The following ZNF516 variants were observed in gnomAD, a reference collection of about 807,000 sequenced individuals.
The protein encoded by ZNF516 is zinc finger protein 516.
A neutral mutation model predicts 79.7 loss-of-function variants in ZNF516; 19 were observed. That is an observed-to-expected ratio of 0.24 (90% CI 0.17 to 0.35). ZNF516 has a LOEUF of 0.35. Ranked by LOEUF, ZNF516 falls within the 10% of genes least tolerant of loss-of-function variation. ZNF516 has a pLI of 1.00. For synonymous variants in ZNF516, 877 were observed against 739.5 expected (o/e 1.19, Z -3.02); for missense variants, 1,678 against 1,679.5 (o/e 1.00, Z 0.02).
At chr18:76,482,241 C>T (rs2042717) in intron 1 of ZNF516, among the ~76,000 whole-genome samples, 88,070 of 152,066 alleles carry the variant, frequency 0.58, 25,690 homozygotes, top group Admixed American at 0.66. Context: ...CATCTACCAA[C>T]GGGAGGGAAT....
intron 2 of ZNF516, among the ~76,000 whole-genome samples, chr18:76,445,006 T>C (rs1174802777): frequency 6.6e-6 from 1 of 152,120 alleles, no homozygotes; most frequent in African/African-American, 2.4e-5. Flanking sequence ...TTCTGCTCCT[T>C]CCTCCAGGAA....
At chr18:76,480,042 G>A (rs899563301) in intron 1 of ZNF516, among the ~76,000 whole-genome samples, 11 of 151,794 alleles carry the variant, frequency 7.2e-5, no homozygotes, top group Non-Finnish European at 1.0e-4. Flanking sequence ...ACCAGGCGGC[G>A]GTTTGTGGCG....
At chr18:76,412,829 G>T (rs181450677) in intron 3 of ZNF516, among the ~76,000 whole-genome samples, 1 of 152,196 alleles carries the variant, frequency 6.6e-6, no homozygotes, top group Non-Finnish European at 1.5e-5. Flanking sequence ...AAAGAACTCC[G>T]GGTCTTCTTT....
At chr18:76,422,669 G>A (rs937725663) in intron 3 of ZNF516, among the ~76,000 whole-genome samples, 1 of 152,106 alleles carries the variant, frequency 6.6e-6, no homozygotes, top group Non-Finnish European at 1.5e-5. Context: ...CTCCAGCCAA[G>A]GGGCAAGAAG....
upstream of ZNF516, chr18:76,496,378 T>C (rs3813100): frequency 4.7e-3 from 6,064 of 1,289,616 alleles, 299 homozygotes; most frequent in Admixed American, 0.094. Flanking sequence ...CAATCAGCGC[T>C]GCAATCCTGG....
intron 4 of ZNF516, 95 bp downstream of exon 4, chr18:76,378,760 G>T (rs1045554940): frequency 4.7e-6 from 7 of 1,487,646 alleles, no homozygotes; most frequent in Non-Finnish European, 6.3e-6. Flanking sequence ...TGTCCTCAGG[G>T]ACATGGACAG....
Position 76,379,292 on chromosome 18 carries a change from G to T in ZNF516, c.2822C>A (p.Ala941Glu), listed in dbSNP as rs777120802. Reference protein sequence around the residue: ...PTPTVIARAGAQPSANSKPVE... With the variant: ...PTPTVIARAGEQPSANSKPVE... ...AGGCTTGCTATTGGCCGAGGGCTGC[G>T]CGCCAGCCCGGGCGATGACGGTGGG... is the stretch of plus-strand genomic sequence containing the variant. Residue 941 changes from alanine (A) to glutamate (E), a missense_variant, in exon 4 of 7, where the codon GCG becomes GAG. Transcript: ENST00000443185. The T allele has an allele frequency of 6.2e-6, 10 of 1,609,720 alleles. No individual in the cohort carries two copies. In the East Asian group the frequency reaches 2.2e-4, roughly 36 times the overall value.
chr18:76,390,152 G>A (rs147783712), intron 3 of ZNF516, among the ~76,000 whole-genome samples: 69 of 152,280 alleles, frequency 4.5e-4, no homozygotes, highest in African/African-American at 1.1e-3. Flanking sequence ...GTCACGACCC[G>A]GACCCCGGAG....
chr18:76,424,398 C>T (rs1485048266), intron 3 of ZNF516, among the ~76,000 whole-genome samples: 2 of 138,112 alleles, frequency 1.4e-5, no homozygotes, highest in Admixed American at 7.2e-5. Context: ...CCGAAACACA[C>T]GCAGGTGAAA....
chr18:76,484,461 T>C (rs1484036906), intron 1 of ZNF516, among the ~76,000 whole-genome samples: 1 of 152,246 alleles, frequency 6.6e-6, no homozygotes, highest in Non-Finnish European at 1.5e-5. Context: ...GTAACACTCC[T>C]AACGATATAA....
intron 1 of ZNF516, among the ~76,000 whole-genome samples, chr18:76,487,095 T>C (rs2145814584): frequency 6.6e-6 from 1 of 152,352 alleles, no homozygotes; most frequent in Admixed American, 6.5e-5. Flanking sequence ...TAATTTTCAG[T>C]ACCATTTGAA....
intron 4 of ZNF516, among the ~76,000 whole-genome samples, chr18:76,375,454 G>A (rs999367521): frequency 4.6e-5 from 7 of 151,874 alleles, no homozygotes; most frequent in African/African-American, 1.7e-4. Context: ...AGGATGGATG[G>A]GTAGGTCCCG....
chr18:76,492,691 G>A, intron 1 of ZNF516: 1 of 981,924 alleles, frequency 1.0e-6, no homozygotes, highest in Non-Finnish European at 1.2e-6. Flanking sequence ...CAGAGAAACC[G>A]CACGTTTCGA....
chr18:76,421,331 G>C (rs1368049338), intron 3 of ZNF516, among the ~76,000 whole-genome samples: 2 of 152,242 alleles, frequency 1.3e-5, no homozygotes, highest in East Asian at 1.9e-4. Flanking sequence ...CTGGCTGCCA[G>C]AGGTATGGCG....
Position 76,406,056 on chromosome 18 carries a change from C to G in ZNF516, c.1811-25753G>C, listed in dbSNP as rs549652552. ...CTCAGCAGGCCCAGCTGTCATCAGA[C>G]GACAGCGCACGCAGGTGAGGGGCCT... On this transcript the variant is annotated intron_variant, in intron 3 of 6. Coordinates refer to ENST00000443185, the MANE Select transcript of ZNF516 (RefSeq NM_014643.4). Among the ~76,000 whole-genome samples the G allele has an allele frequency of 7.9e-5, 12 of 152,286 alleles. No homozygotes were observed. In the East Asian group the frequency reaches 1.6e-3, roughly 20 times the overall value.
intron 2 of ZNF516, among the ~76,000 whole-genome samples, chr18:76,448,466 G>A (rs1026657423): frequency 1.3e-5 from 2 of 152,120 alleles, no homozygotes; most frequent in Admixed American, 6.5e-5. Context: ...AACACTTCCC[G>A]GTGTGAAGAA....
intron 1 of ZNF516, among the ~76,000 whole-genome samples, chr18:76,480,307 T>C (rs1345344706): frequency 6.6e-6 from 1 of 152,140 alleles, no homozygotes; most frequent in African/African-American, 2.4e-5. Flanking sequence ...TACCTCTCGA[T>C]GTGATCACTA....
Position 76,371,494 on chromosome 18 carries a change from G to A in ZNF516, c.3337C>T (p.Leu1113Phe), listed in dbSNP as rs2074704416. The stretch of plus-strand genomic sequence containing the variant: ...GAGTGTGCCCGCATGTGGGCCCTGA[G>A]GTGGCCGGGCTGGTGGAAGCTCTTT... ...CGKSFHQPGH[L>F]RAHMRAHSVV... Residue 1113 changes from leucine to phenylalanine, a missense_variant, in exon 5 of 7, where the codon CTC (leucine) becomes TTC (phenylalanine). Transcript: ENST00000443185. 1 of 1,609,524 alleles carries A rather than the reference G, an allele frequency of 6.2e-7. No individual in the cohort carries two copies. The highest frequency in any genetic ancestry group is 8.5e-7 in the Non-Finnish European group (1 of 1,179,812).
intron 3 of ZNF516, among the ~76,000 whole-genome samples, chr18:76,402,958 G>A (rs2075251701): frequency 1.3e-5 from 2 of 152,224 alleles, no homozygotes; most frequent in South Asian, 4.1e-4. Context: ...CGAAGCTACA[G>A]GGCTGAGAGC....
Sources: allele counts gnomAD v4.1 joint callset (sites outside exome capture counted in the v4.1 genomes callset), GRCh38; gene constraint gnomAD v4.1.1; transcripts MANE v1.5; gene names NCBI Gene and HGNC (gene_info 2026-07-23, HGNC 2026-07-21).